The following PTPA variants were observed in gnomAD, a reference collection of about 807,000 sequenced individuals.
PTPA encodes protein phosphatase 2 phosphatase activator, also known as serine/threonine-protein phosphatase 2A activator.
A neutral mutation model predicts 43.6 loss-of-function variants in PTPA; 13 were observed. The observed-to-expected ratio is 0.30, with a 90% CI of 0.19 to 0.47. The LOEUF is 0.47. Among genes scored for constraint, PTPA ranks in the 20% least tolerant of loss-of-function variants. The pLI is 0.99. For synonymous variants in PTPA, 172 were observed against 158.2 expected (o/e 1.09, Z -0.66); for missense variants, 329 against 411.9 (o/e 0.80, Z 1.74).
chr9:129,133,755 A>G (rs17486338), intron 5 of PTPA, among the ~76,000 whole-genome samples: 9,819 of 152,222 alleles, frequency 0.065, 1,016 homozygotes, highest in African/African-American at 0.22. Flanking sequence ...CCTATGGCCA[A>G]AAGGCCCATG....
At chr9:129,146,255 G>A (rs1000653793) in intron 9 of PTPA, among the ~76,000 whole-genome samples, 3 of 152,150 alleles carry the variant, frequency 2.0e-5, no homozygotes, top group Non-Finnish European at 4.4e-5. Context: ...CTCAGGCCCA[G>A]GATCCTGGCT....
intron 9 of PTPA, among the ~76,000 whole-genome samples, 157 bp from the exon 10 acceptor site, chr9:129,147,230 A>G (rs2131641015): frequency 6.6e-6 from 1 of 152,176 alleles, no homozygotes; most frequent in African/African-American, 2.4e-5. Context: ...TTTGGATAGA[A>G]GGAGTGAGGA....
intron 3 of PTPA, among the ~76,000 whole-genome samples, chr9:129,126,693 A>G (rs577354663): frequency 6.6e-6 from 1 of 152,300 alleles, no homozygotes; most frequent in Non-Finnish European, 1.5e-5. Flanking sequence ...ACACTGGCCT[A>G]GGGAGAATGG....
In PTPA at chr9:129,126,775, C is replaced by T. The variant is rs186523373; in HGVS notation, c.217-2210C>T. Among the ~76,000 whole-genome samples the T allele has an allele frequency of 5.3e-3, 814 of 152,214 alleles. 12 individuals carry two copies. The highest frequency in any genetic ancestry group is 0.014 in the Admixed American group (209 of 15,284). On this transcript the variant is annotated intron_variant, in intron 3 of 9. Coordinates refer to ENST00000393370, the MANE Select transcript of PTPA (RefSeq NM_178000.3). ...TTCCCTTTCTTTCAGCCCTTCTCTC[C>T]CAACACAGCAAACAATAGAGGCAGC...
chr9:129,136,394 T>C, intron 6 of PTPA, 77 bp from the exon 7 acceptor site: 9 of 1,479,758 alleles, frequency 6.1e-6, no homozygotes, highest in Non-Finnish European at 8.2e-6. Flanking sequence ...GGGGTCTCCT[T>C]GTGCTCCCAG....
intron 1 of PTPA, chr9:129,111,963 T>G: frequency 2.9e-6 from 1 of 349,354 alleles, no homozygotes; most frequent in East Asian, 4.9e-5. Flanking sequence ...AGTAAGCTGC[T>G]GACTCGGTGG....
At chr9:129,118,934 A>G (rs988944013) in intron 1 of PTPA, 1 of 153,074 alleles carries the variant, frequency 6.5e-6, no homozygotes, top group Non-Finnish European at 1.5e-5. Flanking sequence ...ATTCCAAAAG[A>G]TTGTCCCCTT....
chr9:129,122,791 G>A (rs534921302), intron 2 of PTPA, among the ~76,000 whole-genome samples: 5 of 152,344 alleles, frequency 3.3e-5, no homozygotes, highest in African/African-American at 1.2e-4. Flanking sequence ...TAAAAAAACT[G>A]CTGGCAGCAA....
intron 8 of PTPA, among the ~76,000 whole-genome samples, chr9:129,140,946 A>G (rs934249697): frequency 2.0e-5 from 3 of 151,874 alleles, no homozygotes; most frequent in Non-Finnish European, 4.4e-5. Context: ...GAGTGAAGCG[A>G]GTGGTCCAAG....
At chr9:129,124,221 A>T (rs1029720708) in intron 3 of PTPA, among the ~76,000 whole-genome samples, 2 of 151,428 alleles carry the variant, frequency 1.3e-5, no homozygotes, top group Admixed American at 6.6e-5. Context: ...TTTTTTTTTT[A>T]AATATAGAGA....
chr9:129,147,734 C>T lies in PTPA; in HGVS notation c.*270C>T, dbSNP rs11789753. Reference sequence around the variant, plus strand: ...AGGGTCTGGGGCCTGGTCACTCGGCCACTCTCTCCTGTTTCTGGCCTCTTC... The same window carrying T: ...AGGGTCTGGGGCCTGGTCACTCGGCTACTCTCTCCTGTTTCTGGCCTCTTC... On this transcript the variant is annotated 3_prime_UTR_variant, in exon 10 of 10. Transcript: ENST00000393370. The T allele has an allele frequency of 0.028, 13,015 of 457,664 alleles. 268 individuals carry two copies. Among genetic ancestry groups the T allele is most frequent in the Middle Eastern group, 0.054 (86 of 1,584 alleles). 28.4% of individuals were successfully genotyped at this position (457,664 alleles called of 1,614,324 possible). A position where few individuals can be genotyped will look rare whatever the true frequency, so the allele number is the denominator to read the frequency against.
intron 3 of PTPA, among the ~76,000 whole-genome samples, chr9:129,126,998 C>T (rs1269991995): frequency 6.6e-6 from 1 of 152,130 alleles, no homozygotes; most frequent in Non-Finnish European, 1.5e-5. Flanking sequence ...ATGACTGTGC[C>T]ATCCATTGTA....
chr9:129,140,821 T>C lies in PTPA; in HGVS notation c.787-1624T>C, dbSNP rs17486457. The stretch of plus-strand genomic sequence containing the variant: ...TAGGGTGGGGAGGTGGGGGAGGGGC[T>C]GGGGGTGGAGTGTGGTTGAGCAGGG... On this transcript the variant is annotated intron_variant, in intron 8 of 9. Transcript: ENST00000393370. 4.2e-3 allele frequency among the ~76,000 whole-genome samples: 369 copies of C among 87,696 alleles called. 2 individuals are homozygous for C. The highest frequency in any genetic ancestry group is 0.016 in the African/African-American group (348 of 22,060). 57.5% of individuals were successfully genotyped at this position (87,696 alleles called of 152,430 possible).
chr9:129,125,561 A>C (rs1372933366), intron 3 of PTPA, among the ~76,000 whole-genome samples: 1 of 152,084 alleles, frequency 6.6e-6, no homozygotes, highest in Non-Finnish European at 1.5e-5. Context: ...GTCTTAGCTC[A>C]AGGGCTGTAC....
intron 8 of PTPA, among the ~76,000 whole-genome samples, chr9:129,141,075 C>G (rs555204013): frequency 6.6e-6 from 1 of 151,992 alleles, no homozygotes; most frequent in Admixed American, 6.6e-5. Context: ...TGTCCTTGCT[C>G]CTGAACATGG....
chr9:129,121,215 T>C (rs1056476577), intron 2 of PTPA, among the ~76,000 whole-genome samples: 3 of 152,210 alleles, frequency 2.0e-5, no homozygotes, highest in Non-Finnish European at 4.4e-5. Flanking sequence ...TCTGGCCCAG[T>C]TCTCGTCAGG....
chr9:129,137,989 A>G, intron 8 of PTPA: 1 of 388,994 alleles, frequency 2.6e-6, no homozygotes, highest in Non-Finnish European at 5.0e-6. Flanking sequence ...CAGGTCTGAA[A>G]GGGTCGGGGC....
intron 9 of PTPA, among the ~76,000 whole-genome samples, chr9:129,144,424 C>G (rs778035109): frequency 8.5e-5 from 13 of 152,086 alleles, no homozygotes; most frequent in Non-Finnish European, 1.6e-4. Flanking sequence ...TAGGGTGACG[C>G]TGGAACTCCC....
intron 1 of PTPA, among the ~76,000 whole-genome samples, chr9:129,116,384 CT>C (rs142067473): frequency 7.8e-4 from 84 of 107,618 alleles, no homozygotes; most frequent in Middle Eastern, 7.4e-3. Flanking sequence ...GACAGGGTTT[CT>C]TTTTTTTTTT....
Sources: allele counts gnomAD v4.1 joint callset (sites outside exome capture counted in the v4.1 genomes callset), GRCh38; gene constraint gnomAD v4.1.1; transcripts MANE v1.5; gene names NCBI Gene and HGNC (gene_info 2026-07-23, HGNC 2026-07-21).